Variants in CCDC178 observed in about 807,000 individuals in gnomAD.
CCDC178 encodes the protein coiled-coil domain containing 178.
A neutral mutation model predicts 117.4 loss-of-function variants in CCDC178; 126 were observed. The ratio of observed to expected loss-of-function variants is 1.07; its 90% CI spans 0.93 to 1.24. The LOEUF (loss-of-function observed/expected upper bound fraction) is 1.24, where lower values mean the gene tolerates loss of function less well. Ranked by LOEUF, CCDC178 falls within the 50% of genes most tolerant of loss-of-function variation. CCDC178 has a pLI of 0.00. For missense variants in CCDC178, 1,030 were observed against 986.9 expected (o/e 1.04, Z -0.59); for synonymous variants, 283 against 313.4 (o/e 0.90, Z 1.02).
intron 20 of CCDC178, among the ~76,000 whole-genome samples, chr18:33,136,394 T>C (rs2144275742): frequency 6.6e-6 from 1 of 152,230 alleles, no homozygotes; most frequent in South Asian, 2.1e-4. Flanking sequence ...AATGACACTA[T>C]GAGGTAGCAG....
At chr18:32,946,154 T>C (rs2054341820) in intron 22 of CCDC178, among the ~76,000 whole-genome samples, 1 of 152,172 alleles carries the variant, frequency 6.6e-6, no homozygotes, top group Non-Finnish European at 1.5e-5. Context: ...CTAGGGAGGC[T>C]CTGTGCTCAT....
intron 20 of CCDC178, among the ~76,000 whole-genome samples, chr18:33,136,385 A>G (rs1339103267): frequency 6.6e-6 from 1 of 152,142 alleles, no homozygotes; most frequent in East Asian, 1.9e-4. Context: ...ATTTTCCATA[A>G]TGACACTATG....
At chr18:32,996,325 C>T (rs536754442) in intron 21 of CCDC178, among the ~76,000 whole-genome samples, 6 of 151,878 alleles carry the variant, frequency 4.0e-5, no homozygotes, top group Non-Finnish European at 7.4e-5. Context: ...TTATTAATAT[C>T]CCTACATTAT....
intron 21 of CCDC178, among the ~76,000 whole-genome samples, chr18:33,050,590 G>A (rs1351690137): frequency 6.6e-6 from 1 of 152,152 alleles, no homozygotes; most frequent in Non-Finnish European, 1.5e-5. Flanking sequence ...GCAATGCAGA[G>A]TTAACCTGGA....
intron 11 of CCDC178, among the ~76,000 whole-genome samples, chr18:33,306,288 T>G (rs2062246786): frequency 6.6e-6 from 1 of 151,980 alleles, no homozygotes; most frequent in Non-Finnish European, 1.5e-5. Context: ...GAAAAACAGT[T>G]TGGCCACTGG....
chr18:33,145,423 T>G (rs1015446557), intron 20 of CCDC178, among the ~76,000 whole-genome samples: 6 of 152,222 alleles, frequency 3.9e-5, no homozygotes, highest in African/African-American at 1.4e-4. Context: ...ATAGTCCTCT[T>G]GCTAAGAATA....
At chr18:33,043,609 A>G (rs1345703965) in intron 21 of CCDC178, among the ~76,000 whole-genome samples, 1 of 152,124 alleles carries the variant, frequency 6.6e-6, no homozygotes. Flanking sequence ...AGCTATTTAT[A>G]TCTTAAAAAC....
chr18:33,035,903 CT>C (rs989146695), intron 21 of CCDC178, among the ~76,000 whole-genome samples: 105 of 151,952 alleles, frequency 6.9e-4, no homozygotes, highest in African/African-American at 2.3e-3. Context: ...AATATTCTGA[CT>C]TTTTTTAGTT....
Position 33,261,325 on chromosome 18 carries a change from C to T in CCDC178, c.1409+5591G>A, listed in dbSNP as rs111629071. Among the ~76,000 whole-genome samples, 1,348 of 152,246 alleles carry T rather than the reference C, an allele frequency of 8.9e-3. 18 individuals are homozygous for T. Among genetic ancestry groups the T allele is most frequent in the African/African-American group, 0.03 (1,253 of 41,538 alleles). ...GTCTCGATCTCCTGACCTCGTGATC[C>T]GCCCACCTTGGCCTCCCAAAGTTCT... is the stretch of plus-strand genomic sequence containing the variant. On this transcript the variant is annotated intron_variant, in intron 14 of 22. Transcript: ENST00000383096.
chr18:33,046,607 G>C (rs1481872013), intron 21 of CCDC178, among the ~76,000 whole-genome samples: 1 of 151,904 alleles, frequency 6.6e-6, no homozygotes, highest in Non-Finnish European at 1.5e-5. Context: ...AATTAAACAA[G>C]CATTATCAAT....
intron 21 of CCDC178, among the ~76,000 whole-genome samples, chr18:33,040,434 A>G (rs1305213589): frequency 6.6e-6 from 1 of 151,978 alleles, no homozygotes; most frequent in Non-Finnish European, 1.5e-5. Flanking sequence ...AATGGAAAAG[A>G]ATTTAAGTGT....
intron 20 of CCDC178, among the ~76,000 whole-genome samples, chr18:33,193,383 A>G (rs1030968712): frequency 7.2e-5 from 11 of 151,874 alleles, no homozygotes; most frequent in African/African-American, 2.7e-4. Flanking sequence ...AAATTATCCA[A>G]TTAATGACTT....
At chr18:33,087,401 C>T (rs2057395140) in intron 21 of CCDC178, among the ~76,000 whole-genome samples, 1 of 152,126 alleles carries the variant, frequency 6.6e-6, no homozygotes, top group Admixed American at 6.6e-5. Flanking sequence ...TCTCGGGCAT[C>T]CCCAAAGCTC....
intron 20 of CCDC178, among the ~76,000 whole-genome samples, chr18:33,175,128 G>A (rs765735168): frequency 9.9e-5 from 15 of 151,414 alleles, no homozygotes; most frequent in South Asian, 2.1e-4. Flanking sequence ...CGCCCGCCTC[G>A]GCCTCCCAAA....
At chr18:33,174,537 G>C (rs774306968) in intron 20 of CCDC178, among the ~76,000 whole-genome samples, 56 of 152,244 alleles carry the variant, frequency 3.7e-4, no homozygotes, top group Admixed American at 9.8e-4. Context: ...AGTGAACAGA[G>C]AGAACTGAAA....
chr18:33,421,478 T>A (rs1260559208), intron 2 of CCDC178, among the ~76,000 whole-genome samples: 1 of 152,212 alleles, frequency 6.6e-6, no homozygotes, highest in East Asian at 1.9e-4. Flanking sequence ...CAGTTGTGGT[T>A]TTGTTGGTAG....
Position 32,945,724 on chromosome 18 carries a change from G to GT in CCDC178, c.2524-7634dup, listed in dbSNP as rs546574111. Among the ~76,000 whole-genome samples the GT allele has an allele frequency of 1.5e-4, 23 of 152,056 alleles. 1 individual carries two copies. The South Asian group carries it at 4.2e-3, about 28-fold the overall frequency. On this transcript the variant is annotated intron_variant, in intron 22 of 22. Coordinates refer to ENST00000383096, the MANE Select transcript of CCDC178 (RefSeq NM_001105528.4). Reference sequence around the variant, plus strand: ...CTTTCTAAAATTCCTACAAATTTGGGTTTTTTTGGAGCAGATCTCGTATTG... The same window carrying GT: ...CTTTCTAAAATTCCTACAAATTTGGGTTTTTTTTGGAGCAGATCTCGTATTG...
At chr18:33,388,049 A>G (rs1430353514) in intron 5 of CCDC178, among the ~76,000 whole-genome samples, 2 of 152,222 alleles carry the variant, frequency 1.3e-5, no homozygotes, top group African/African-American at 2.4e-5. Flanking sequence ...AAAAATGGGA[A>G]AAGGATATGA....
chr18:32,997,070 T>C (rs1212500538), intron 21 of CCDC178, among the ~76,000 whole-genome samples: 2 of 152,114 alleles, frequency 1.3e-5, no homozygotes, highest in Admixed American at 1.3e-4. Flanking sequence ...ATCCAAAACT[T>C]CTCTCTTTCG....
Sources: gnomAD v4.1 joint callset for allele counts (sites outside exome capture counted in the v4.1 genomes callset) on GRCh38, gnomAD v4.1.1 for gene constraint, MANE v1.5 for transcripts, NCBI Gene and HGNC (gene_info 2026-07-23, HGNC 2026-07-21) for gene names.